CSMD1: variants seen among roughly 807,000 people sequenced by gnomAD.
The protein encoded by CSMD1 is CUB and sushi domain-containing protein 1.
Under a neutral mutation model 417.5 loss-of-function variants are expected in CSMD1, and 213 were observed. The observed-to-expected ratio is 0.51, with a 90% CI of 0.46 to 0.57. The LOEUF (loss-of-function observed/expected upper bound fraction) is 0.57, where lower values mean the gene tolerates loss of function less well. Ranked by LOEUF, CSMD1 falls within the 20% of genes least tolerant of loss-of-function variation. The pLI is 0.00. For synonymous variants in CSMD1, 2,862 were observed against 1,736.8 expected, an observed-to-expected ratio of 1.65 and a Z score of -16.11; for missense variants, 6,923 against 4,529.7, an observed-to-expected ratio of 1.53 and a Z score of -15.17.
chr8:4,442,709 T>C lies in CSMD1; in HGVS notation c.303-22644A>G, dbSNP rs574559946. Among the ~76,000 whole-genome samples, 256 of 152,290 alleles carry C rather than the reference T, an allele frequency of 1.7e-3. 1 individual carries two copies. Among genetic ancestry groups the C allele is most frequent in the African/African-American group, 5.5e-3 (228 of 41,548 alleles). ...TCTCCGAAAAGGTAGTTCCCCGAAA[T>C]GTGTATTTGTTGATAATACAATCAG... On this transcript the variant is annotated intron_variant, in intron 2 of 69. Coordinates refer to ENST00000635120, the MANE Select transcript of CSMD1 (RefSeq NM_033225.6).
intron 1 of CSMD1, among the ~76,000 whole-genome samples, chr8:4,848,258 T>G (rs2116816804): frequency 6.6e-6 from 1 of 152,328 alleles, no homozygotes; most frequent in African/African-American, 2.4e-5. Context: ...TTTTTCCTAG[T>G]TTGAATAATG....
At chr8:3,524,453 A>T (rs962012235) in intron 10 of CSMD1, among the ~76,000 whole-genome samples, 1 of 152,080 alleles carries the variant, frequency 6.6e-6, no homozygotes, top group Non-Finnish European at 1.5e-5. Context: ...GCACACATGC[A>T]CATATGCATG....
At chr8:4,641,193 GT>G (rs922980533) in intron 1 of CSMD1, among the ~76,000 whole-genome samples, 18 of 151,854 alleles carry the variant, frequency 1.2e-4, no homozygotes, top group African/African-American at 4.3e-4. Context: ...GCATACAGAT[GT>G]TTTTGCTGCT....
rs535481222 is a variant in CSMD1, at chr8:3,520,232, T to C, written c.1345-26506A>G. ...ACTTCATAACTATATGTAGATAAGT[T>C]GATTATAGGTTGGCCAGAGAGGAAG... On this transcript the variant is annotated intron_variant, in intron 10 of 69. Transcript: ENST00000635120. 5.3e-5 allele frequency among the ~76,000 whole-genome samples: 8 copies of C among 152,170 alleles called. No individual in the cohort carries two copies. The South Asian group carries it at 1.5e-3, about 28-fold the overall frequency.
intron 2 of CSMD1, among the ~76,000 whole-genome samples, chr8:4,539,678 G>C (rs1209394068): frequency 6.6e-6 from 1 of 152,144 alleles, no homozygotes; most frequent in Non-Finnish European, 1.5e-5. Flanking sequence ...TGTTTATTAA[G>C]ATTATAGTAG....
At chr8:4,148,942 C>G (rs1448881122) in intron 3 of CSMD1, among the ~76,000 whole-genome samples, 2 of 150,576 alleles carry the variant, frequency 1.3e-5, no homozygotes, top group East Asian at 2.0e-4. Flanking sequence ...CTAACTTCAC[C>G]TGTAATTAAA....
chr8:3,925,917 T>C (rs927791315), intron 5 of CSMD1, among the ~76,000 whole-genome samples: 18 of 152,090 alleles, frequency 1.2e-4, no homozygotes, highest in African/African-American at 3.6e-4. Context: ...CATAACAAAA[T>C]GTAGAAGGTA....
chr8:4,710,533 G>A (rs778473828), intron 1 of CSMD1, among the ~76,000 whole-genome samples: 8 of 149,792 alleles, frequency 5.3e-5, no homozygotes, highest in Non-Finnish European at 8.9e-5. Context: ...GGAGAAGATG[G>A]TGGGGGTGGT....
At chr8:4,441,747 T>C (rs965067676) in intron 2 of CSMD1, among the ~76,000 whole-genome samples, 4 of 152,156 alleles carry the variant, frequency 2.6e-5, no homozygotes, top group Non-Finnish European at 5.9e-5. Context: ...TACTTAAATA[T>C]TGCATTGCAG....
intron 26 of CSMD1, among the ~76,000 whole-genome samples, chr8:3,268,312 T>TTTTA (rs1801585586): frequency 7.2e-6 from 1 of 138,212 alleles, no homozygotes; most frequent in African/African-American, 2.6e-5. Flanking sequence ...TTTTTTTTTT[T>TTTTA]TTGAGACGGA....
At chr8:4,419,524 T>A (rs1797130698) in intron 3 of CSMD1, among the ~76,000 whole-genome samples, 1 of 152,168 alleles carries the variant, frequency 6.6e-6, no homozygotes, top group South Asian at 2.1e-4. Flanking sequence ...TTTTCTCTCT[T>A]AAAAATTTCA....
intron 5 of CSMD1, among the ~76,000 whole-genome samples, chr8:3,816,815 A>G (rs186916634): frequency 6.6e-6 from 1 of 152,236 alleles, no homozygotes; most frequent in African/African-American, 2.4e-5. Flanking sequence ...GTTTGGTACT[A>G]TTTGTGGTTT....
At position 3,994,027 on chromosome 8, in the gene CSMD1, G is replaced by A. The variant is rs568357390; in HGVS notation, c.818+3876C>T. On this transcript the variant is annotated intron_variant, in intron 5 of 69. Transcript: ENST00000635120. ...GGCGTGCCTGGCAGGGAGGGAGCCA[G>A]GATGGGGCCAAATCGGTAGCTGTGG... is the stretch of plus-strand genomic sequence containing the variant. 2.6e-5 allele frequency among the ~76,000 whole-genome samples: 4 copies of A among 152,348 alleles called. No individual in the cohort carries two copies. The South Asian group carries it at 6.2e-4, about 24-fold the overall frequency.
At chr8:4,573,787 G>T (rs1375457573) in intron 2 of CSMD1, among the ~76,000 whole-genome samples, 1 of 152,182 alleles carries the variant, frequency 6.6e-6, no homozygotes, top group Non-Finnish European at 1.5e-5. Context: ...GCCGCTGACT[G>T]GGGCTGCTGC....
chr8:3,343,510 T>C (rs1585028192), intron 22 of CSMD1, 60 bp from the exon 23 acceptor site: 1 of 1,460,118 alleles, frequency 6.8e-7, no homozygotes, highest in Non-Finnish European at 9.4e-7. Context: ...ATGTTAGCAA[T>C]GGTAATAAAC....
At chr8:4,184,420 C>T (rs1241351568) in intron 3 of CSMD1, among the ~76,000 whole-genome samples, 1 of 150,648 alleles carries the variant, frequency 6.6e-6, no homozygotes, top group African/African-American at 2.4e-5. Flanking sequence ...GAGGATGTTC[C>T]TTGCGGCACT....
intron 3 of CSMD1, among the ~76,000 whole-genome samples, chr8:4,108,024 G>A (rs533591771): frequency 6.6e-6 from 1 of 150,388 alleles, no homozygotes; most frequent in African/African-American, 2.4e-5. Context: ...AGACTGCAGG[G>A]GAGAGAGAGA....
intron 3 of CSMD1, among the ~76,000 whole-genome samples, chr8:4,325,947 C>T (rs574415566): frequency 5.3e-5 from 8 of 152,184 alleles, no homozygotes; most frequent in South Asian, 4.2e-4. Flanking sequence ...TTTCTGTTCA[C>T]GGTCATATCA....
intron 54 of CSMD1, among the ~76,000 whole-genome samples, chr8:2,985,398 C>G (rs141111058): frequency 6.7e-6 from 1 of 148,910 alleles, no homozygotes; most frequent in Non-Finnish European, 1.5e-5. Flanking sequence ...TGCTACACTG[C>G]TTCACCACGT....
Sources: allele counts gnomAD v4.1 joint callset (sites outside exome capture counted in the v4.1 genomes callset), GRCh38; gene constraint gnomAD v4.1.1; transcripts MANE v1.5; gene names NCBI Gene and HGNC (gene_info 2026-07-23, HGNC 2026-07-21).